The following RPP40 variants were observed in gnomAD, a reference collection of about 807,000 sequenced individuals.
RPP40 encodes ribonuclease P/MRP subunit p40, also known as ribonuclease P protein subunit p40.
In RPP40, 30 loss-of-function variants were observed where a neutral mutation model predicts 42.5. The ratio of observed to expected loss-of-function variants is 0.71; its 90% CI spans 0.53 to 0.96. The LOEUF (loss-of-function observed/expected upper bound fraction) is 0.96, where lower values mean the gene tolerates loss of function less well. Ranked by LOEUF, RPP40 falls within the 40% of genes least tolerant of loss-of-function variation. The pLI is 0.00. For synonymous variants in RPP40, 173 were observed against 164.0 expected (o/e 1.05, Z -0.42); for missense variants, 426 against 433.5 (o/e 0.98, Z 0.15).
Position 5,002,351 on chromosome 6 carries a change from T to C in RPP40, c.124-106A>G, listed in dbSNP as rs958671695. The C allele has an allele frequency of 3.1e-6, 3 of 964,922 alleles. No homozygotes were observed. In the African/African-American group the frequency reaches 5.5e-5, roughly 18 times the overall value. The allele number at this position is 964,922 out of a possible 1,614,324, so 59.8% of individuals were successfully genotyped here. On this transcript the variant is annotated intron_variant, in intron 1 of 7. Coordinates refer to ENST00000380051, the MANE Select transcript of RPP40 (RefSeq NM_006638.4). ...GAAAGTTGTTATTTCTCCACGAGTTTCACTGGAACATAAAAACACGGGCAA... is the reference window on the plus strand; with the variant it reads ...GAAAGTTGTTATTTCTCCACGAGTTCCACTGGAACATAAAAACACGGGCAA...
chr6:4,995,146 CAA>C lies in RPP40; in HGVS notation c.1022_1023del (p.Phe341CysfsTer4). 6.2e-7 allele frequency: 1 copy of C among 1,614,054 alleles called. No individual in the cohort carries two copies. On this transcript the variant is annotated frameshift_variant, in exon 8 of 8. Coordinates refer to ENST00000380051, the MANE Select transcript of RPP40 (RefSeq NM_006638.4). LOFTEE classifies it high-confidence loss of function. ...CAATAGTCCTGATTATTAAAAATCA[CAA>C]AGTTATATAAATGTTCTCCTCCTTT... ...FRKGGEHLYNFVIFNNQDYWL... is the reference protein window; with the variant it reads ...FRKGGEHLYNXVIFNNQDYWL...
At chr6:5,002,808 A>C (rs953584003) in intron 1 of RPP40, among the ~76,000 whole-genome samples, 3 of 152,232 alleles carry the variant, frequency 2.0e-5, no homozygotes, top group Non-Finnish European at 4.4e-5. Context: ...GACATCCAAA[A>C]TAGGTGTTAA....
At chr6:4,992,197 C>CA (rs568171508), downstream of RPP40, among the ~76,000 whole-genome samples, 413 of 150,264 alleles carry the variant, frequency 2.7e-3, 1 homozygote, top group Non-Finnish European at 4.3e-3. Context: ...CAAACAAAAA[C>CA]AAAAAAACGA....
chr6:5,000,035 C>T, intron 3 of RPP40, 131 bp from the exon 4 acceptor site: 2 of 580,570 alleles, frequency 3.4e-6, no homozygotes. Context: ...TTATTTATAT[C>T]ACAAGAATAT....
Position 5,003,896 on chromosome 6 carries a change from T to C in RPP40, c.107A>G (p.His36Arg), listed in dbSNP as rs1361934351. The C allele has an allele frequency of 3.1e-6, 5 of 1,613,552 alleles. No homozygotes were observed. The highest frequency in any genetic ancestry group is 3.3e-4 in the Middle Eastern group (2 of 6,058). Residue 36 changes from histidine to arginine, a missense_variant, in exon 1 of 8, where the codon CAC becomes CGC. Physicochemically the swap from His to Arg is conservative, Grantham distance 29. Transcript: ENST00000380051. ...CGGACTCACCCTGTAGTTATAGTAG[T>C]GCGTCTGCACAAGATGCCGGTGGCG... is the stretch of plus-strand genomic sequence containing the variant. ...KSRHRHLVQT[H>R]YYNYRVSFLI...
chr6:5,001,277 C>T (rs1759550008), intron 2 of RPP40: 1 of 396,474 alleles, frequency 2.5e-6, no homozygotes, highest in Admixed American at 2.9e-5. Flanking sequence ...TTTGGTAAGA[C>T]ATTTAACAGT....
the RPP40 span, among the ~76,000 whole-genome samples, chr6:4,989,447 TACAC>T: frequency 3.3e-5 from 5 of 151,104 alleles, no homozygotes; most frequent in Non-Finnish European, 4.4e-5. Flanking sequence ...TTTGTCATTT[TACAC>T]ACACACACAC....
At chr6:4,991,841 G>T (rs540847677), downstream of RPP40, among the ~76,000 whole-genome samples, 17 of 152,142 alleles carry the variant, frequency 1.1e-4, no homozygotes, top group Non-Finnish European at 2.2e-4. Flanking sequence ...TGGCTCATGG[G>T]GGTGGATTCC....
At position 4,996,053 on chromosome 6, in the gene RPP40, T is replaced by C. The variant is rs546921987; in HGVS notation, c.791A>G (p.Tyr264Cys). The change falls in exon 7 of 8, where the codon TAT becomes TGT. Residue 264 changes from tyrosine (Y) to cysteine (C), a missense_variant. Coordinates refer to ENST00000380051, the MANE Select transcript of RPP40 (RefSeq NM_006638.4). Reference protein sequence around the residue: ...NNEPNNFISTYCCPEPSTVVA... With the variant: ...NNEPNNFISTCCCPEPSTVVA... ...CACTGTGCTTGGCTCAGGACAGCAA[T>C]AGGTTGATATGAAATTATTAGGCTC... is the stretch of plus-strand genomic sequence containing the variant. 9.9e-6 allele frequency: 16 copies of C among 1,614,068 alleles called. No individual in the cohort carries two copies. The highest frequency in any genetic ancestry group is 2.7e-5 in the African/African-American group (2 of 75,046).
intron 2 of RPP40, chr6:5,001,157 C>G (rs1439430648): frequency 2.2e-6 from 1 of 456,688 alleles, no homozygotes; most frequent in South Asian, 1.5e-5. Flanking sequence ...CTCTCAGAGA[C>G]AGAGTTCCAG....
At chr6:4,997,791 C>T (rs1003784932) in intron 5 of RPP40, among the ~76,000 whole-genome samples, 1 of 152,170 alleles carries the variant, frequency 6.6e-6, no homozygotes, top group Non-Finnish European at 1.5e-5. Context: ...GCCAGCATCC[C>T]TGAGACTGTA....
chr6:5,004,017 C>G lies in RPP40; in HGVS notation c.-15G>C. The G allele has an allele frequency of 6.3e-7, 1 of 1,587,852 alleles. No homozygotes were observed. Among genetic ancestry groups the G allele is most frequent in the South Asian group, 1.1e-5 (1 of 90,132 alleles). ...AGCGTGGCCATGCTCTCCTGGGTTC[C>G]TGGTCCTCCCGGCCTCCGCTGGCGG... is the stretch of plus-strand genomic sequence containing the variant. On this transcript the variant is annotated 5_prime_UTR_variant, in exon 1 of 8. Coordinates refer to ENST00000380051, the MANE Select transcript of RPP40 (RefSeq NM_006638.4).
downstream of RPP40, among the ~76,000 whole-genome samples, chr6:4,990,498 C>T (rs1372978540): frequency 2.0e-5 from 3 of 152,026 alleles, no homozygotes; most frequent in African/African-American, 7.2e-5. Flanking sequence ...CTCTCCCTTT[C>T]TTTGAGTCAG....
rs114667908 is a variant in RPP40, at chr6:5,002,988, C to T, written c.124-743G>A. Among the ~76,000 whole-genome samples the T allele has an allele frequency of 5.3e-3, 800 of 152,288 alleles. 8 individuals carry two copies. The highest frequency in any genetic ancestry group is 0.018 in the African/African-American group (735 of 41,554). On this transcript the variant is annotated intron_variant, in intron 1 of 7. Transcript: ENST00000380051. The stretch of plus-strand genomic sequence containing the variant: ...ATTTAAAGTGTAAAATGTTTAATCC[C>T]CCATGATAAGGTTAGTTTCTTGAAG...
the RPP40 span, among the ~76,000 whole-genome samples, chr6:4,988,642 A>AT: frequency 1.3e-5 from 2 of 152,248 alleles, no homozygotes; most frequent in South Asian, 4.1e-4. Flanking sequence ...CTTCCAAGTT[A>AT]TTGGGTGTGT....
chr6:4,992,368 CAAAAAAA>C (rs56244686), downstream of RPP40, among the ~76,000 whole-genome samples: 2 of 108,726 alleles, frequency 1.8e-5, no homozygotes, highest in Non-Finnish European at 2.0e-5. Flanking sequence ...GGCTCTGTCT[CAAAAAAA>C]AAAAAAAAAA....
intron 1 of RPP40, among the ~76,000 whole-genome samples, chr6:5,002,967 A>G (rs1759610019): frequency 6.6e-6 from 1 of 152,216 alleles, no homozygotes; most frequent in South Asian, 2.1e-4. Context: ...TGATCCATTT[A>G]AAGTGTAAAA....
chr6:4,998,932 T>C, intron 4 of RPP40, 91 bp from the exon 5 acceptor site: 3 of 866,832 alleles, frequency 3.5e-6, no homozygotes, highest in Non-Finnish European at 4.8e-6. Flanking sequence ...AACTAGAATT[T>C]TGGGAAATTT....
chr6:4,989,647 A>T, the RPP40 span, among the ~76,000 whole-genome samples: 6 of 152,128 alleles, frequency 3.9e-5, no homozygotes, highest in African/African-American at 1.4e-4. Context: ...TATTTTTCTC[A>T]TTTTTTTGGT....
Sources: gnomAD v4.1 joint callset for allele counts (sites outside exome capture counted in the v4.1 genomes callset) on GRCh38, gnomAD v4.1.1 for gene constraint, MANE v1.5 for transcripts, NCBI Gene and HGNC (gene_info 2026-07-23, HGNC 2026-07-21) for gene names.